The following CNTNAP2 variants were observed in gnomAD, a reference collection of about 807,000 sequenced individuals.
CNTNAP2 encodes the protein contactin associated protein 2.
In CNTNAP2, 98 loss-of-function variants were observed where a neutral mutation model predicts 155.2. The ratio of observed to expected loss-of-function variants is 0.63; its 90% confidence interval spans 0.54 to 0.75. The LOEUF (loss-of-function observed/expected upper bound fraction) is 0.75. CNTNAP2 is among the 30% of genes least tolerant of loss of function. The pLI is 0.00. For synonymous variants in CNTNAP2, 651 were observed against 631.2 expected (o/e 1.03, Z -0.47); for missense variants, 1,727 against 1,688.1 (o/e 1.02, Z -0.40).
intron 21 of CNTNAP2, among the ~76,000 whole-genome samples, chr7:148,325,170 G>A (rs1797865956): frequency 6.6e-6 from 1 of 152,184 alleles, no homozygotes; most frequent in Non-Finnish European, 1.5e-5. Context: ...TATTGTATAA[G>A]ATTCTAAAGC....
rs530256046 is a variant in CNTNAP2 at position 146,792,938 on chromosome 7, C to T, written c.208+18557C>T. ...TATGTCAGCACTGTCTGGTAAAATA[C>T]ATGGTGAGCCATATATGTAATTTTC... is the stretch of plus-strand genomic sequence containing the variant. On this transcript the variant is annotated intron_variant, in intron 2 of 23. Coordinates refer to ENST00000361727, the MANE Select transcript of CNTNAP2 (RefSeq NM_014141.6). Among the ~76,000 whole-genome samples the T allele has an allele frequency of 2.0e-5, 3 of 152,170 alleles. No individual in the cohort carries two copies. The East Asian group carries it at 5.8e-4, about 29-fold the overall frequency.
intron 13 of CNTNAP2, among the ~76,000 whole-genome samples, chr7:147,871,527 C>T (rs79226004): frequency 0.039 from 5,920 of 152,294 alleles, 368 homozygotes; most frequent in African/African-American, 0.14. Flanking sequence ...GACTCCTCCT[C>T]TGCCTCAGTT....
chr7:147,285,088 C>T (rs774296923), intron 8 of CNTNAP2, among the ~76,000 whole-genome samples: 3 of 151,972 alleles, frequency 2.0e-5, no homozygotes, highest in Non-Finnish European at 4.4e-5. Context: ...AGGATTAATG[C>T]AGAATTATCT....
chr7:146,122,746 A>G (rs1388643368), intron 1 of CNTNAP2, among the ~76,000 whole-genome samples: 2 of 152,210 alleles, frequency 1.3e-5, no homozygotes, highest in Non-Finnish European at 2.9e-5. Context: ...TATCTGTGGT[A>G]AATAACATTG....
chr7:147,677,083 T>A (rs369900054), intron 13 of CNTNAP2, among the ~76,000 whole-genome samples: 8,641 of 143,606 alleles, frequency 0.06, 338 homozygotes, highest in Middle Eastern at 0.12. Flanking sequence ...TTTTTTTTTT[T>A]GAGGAACCTC....
At chr7:146,546,857 C>G (rs1440179792) in intron 1 of CNTNAP2, among the ~76,000 whole-genome samples, 1 of 151,866 alleles carries the variant, frequency 6.6e-6, no homozygotes, top group Non-Finnish European at 1.5e-5. Context: ...TAACTGCACC[C>G]GTGATTCAAT....
At chr7:147,595,490 A>G (rs757458811) in intron 12 of CNTNAP2, among the ~76,000 whole-genome samples, 2 of 152,224 alleles carry the variant, frequency 1.3e-5, no homozygotes, top group Non-Finnish European at 2.9e-5. Context: ...CAGAATTTTT[A>G]TGGGGACATT....
At chr7:147,286,821 A>G (rs1805189790) in intron 8 of CNTNAP2, among the ~76,000 whole-genome samples, 1 of 151,892 alleles carries the variant, frequency 6.6e-6, no homozygotes, top group South Asian at 2.1e-4. Flanking sequence ...TCCAATCAAC[A>G]TTCTCCTTCA....
At chr7:147,446,123 CTTTTTT>C (rs35712483) in intron 10 of CNTNAP2, among the ~76,000 whole-genome samples, 3 of 139,908 alleles carry the variant, frequency 2.1e-5, no homozygotes, top group Non-Finnish European at 1.5e-5. Context: ...TTGTTTCTTT[CTTTTTT>C]TTTTTTTTTT....
intron 13 of CNTNAP2, among the ~76,000 whole-genome samples, chr7:147,714,835 C>A (rs149394981): frequency 1.3e-5 from 2 of 152,058 alleles, no homozygotes; most frequent in Admixed American, 6.6e-5. Flanking sequence ...TTATTTACAG[C>A]GGAATCTACA....
At chr7:147,056,919 C>T (rs1265505019) in intron 4 of CNTNAP2, among the ~76,000 whole-genome samples, 2 of 151,954 alleles carry the variant, frequency 1.3e-5, no homozygotes, top group African/African-American at 2.4e-5. Flanking sequence ...TACAGGTGCA[C>T]ACCACCATCC....
chr7:147,148,195 C>T (rs1801749164), intron 8 of CNTNAP2, among the ~76,000 whole-genome samples: 1 of 151,658 alleles, frequency 6.6e-6, no homozygotes, highest in South Asian at 2.1e-4. Flanking sequence ...TCGAGACCAT[C>T]CCGGCTAAAA....
chr7:148,006,489 T>C (rs1801982178), intron 15 of CNTNAP2, among the ~76,000 whole-genome samples: 1 of 151,924 alleles, frequency 6.6e-6, no homozygotes, highest in Non-Finnish European at 1.5e-5. Flanking sequence ...CTGGCTATTT[T>C]TGTATTTTTA....
intron 1 of CNTNAP2, among the ~76,000 whole-genome samples, chr7:146,506,035 C>A (rs1039484890): frequency 6.6e-6 from 1 of 152,174 alleles, no homozygotes; most frequent in African/African-American, 2.4e-5. Context: ...TATGTCCATC[C>A]ATTGTGCCCA....
intron 3 of CNTNAP2, among the ~76,000 whole-genome samples, chr7:146,915,131 T>C (rs1796368051): frequency 1.3e-5 from 2 of 152,126 alleles, no homozygotes; most frequent in Admixed American, 6.6e-5. Flanking sequence ...TGACTATAAG[T>C]ATTTGGCTCT....
chr7:146,600,406 A>G (rs1022666568), intron 1 of CNTNAP2, among the ~76,000 whole-genome samples: 1 of 152,194 alleles, frequency 6.6e-6, no homozygotes, highest in Admixed American at 6.5e-5. Flanking sequence ...AATACTTTAA[A>G]AAGACGTTTT....
chr7:146,582,013 C>A (rs1454391164), intron 1 of CNTNAP2, among the ~76,000 whole-genome samples: 6 of 151,994 alleles, frequency 3.9e-5, no homozygotes, highest in Non-Finnish European at 8.8e-5. Flanking sequence ...CAGTGAAGAA[C>A]AAAAGAGTGA....
At chr7:148,315,677 A>C (rs1797674994) in intron 21 of CNTNAP2, among the ~76,000 whole-genome samples, 1 of 152,164 alleles carries the variant, frequency 6.6e-6, no homozygotes, top group African/African-American at 2.4e-5. Flanking sequence ...AATCAGAAAC[A>C]TTTATGGATT....
intron 12 of CNTNAP2, among the ~76,000 whole-genome samples, chr7:147,582,745 G>T (rs7459220): frequency 0.69 from 104,975 of 151,864 alleles, 36,822 homozygotes; most frequent in African/African-American, 0.81. Flanking sequence ...ATTTTTCCTC[G>T]TATGAGTTAA....
Sources: gnomAD v4.1 joint callset for allele counts (sites outside exome capture counted in the v4.1 genomes callset) on GRCh38, gnomAD v4.1.1 for gene constraint, MANE v1.5 for transcripts, NCBI Gene and HGNC (gene_info 2026-07-23, HGNC 2026-07-21) for gene names.